FAM13B: variants seen among roughly 807,000 people sequenced by gnomAD.
FAM13B encodes family with sequence similarity 13 member B.
A neutral mutation model predicts 117.3 loss-of-function variants in FAM13B; 60 were observed. The ratio of observed to expected loss-of-function variants is 0.51; its 90% CI spans 0.42 to 0.63. The LOEUF is 0.63. Ranked by LOEUF, FAM13B falls within the 30% of genes least tolerant of loss-of-function variation. The probability of loss-of-function intolerance (pLI) is 0.00; values close to 1 mark genes in which losing one functional copy is unlikely to be tolerated. For synonymous variants in FAM13B, 332 were observed against 356.1 expected (o/e 0.93, Z 0.76); for missense variants, 972 against 1,091.9 (o/e 0.89, Z 1.55).
At chr5:137,985,135 G>A (rs1202705514) in intron 10 of FAM13B, 122 bp downstream of exon 10, 2 of 971,270 alleles carry the variant, frequency 2.1e-6, no homozygotes, top group African/African-American at 1.6e-5. Context: ...TATATTCTTG[G>A]GGATTTATAA....
At chr5:138,010,929 T>C in intron 6 of FAM13B, 79 bp downstream of exon 6, 3 of 1,283,932 alleles carry the variant, frequency 2.3e-6, no homozygotes, top group Non-Finnish European at 2.0e-6. Context: ...CTTATGTCTG[T>C]GGCAAGTCTT....
At chr5:138,047,761 T>C (rs1244585362) in intron 1 of FAM13B, among the ~76,000 whole-genome samples, 2 of 152,024 alleles carry the variant, frequency 1.3e-5, no homozygotes, top group African/African-American at 4.8e-5. Flanking sequence ...GCTTTGAAAG[T>C]GAATGGAGGC....
rs1364518252 is a variant in FAM13B at position 138,000,951 on chromosome 5, A to C, written c.848+6039T>G. The stretch of plus-strand genomic sequence containing the variant: ...TCTCAAAAAACAAAAAACAAAAAAA[A>C]AAAAAACAGCATCTTTCCAAACTAC... On this transcript the variant is annotated intron_variant, in intron 7 of 23. Coordinates refer to ENST00000689681, the MANE Select transcript of FAM13B (RefSeq NM_001385994.1). 2.7e-3 allele frequency among the ~76,000 whole-genome samples: 403 copies of C among 152,072 alleles called. 2 individuals are homozygous for C. The highest frequency in any genetic ancestry group is 5.0e-3 in the Non-Finnish European group (341 of 67,968).
intron 10 of FAM13B, among the ~76,000 whole-genome samples, chr5:137,978,929 C>G (rs764848902): frequency 5.3e-5 from 8 of 152,118 alleles, no homozygotes; most frequent in Non-Finnish European, 8.8e-5. Context: ...TGTTTCTTAC[C>G]CCAGTTTGCA....
At chr5:138,011,207 A>G (rs1783918145) in intron 5 of FAM13B, 58 bp from the exon 6 acceptor site, 2 of 1,491,808 alleles carry the variant, frequency 1.3e-6, no homozygotes, top group Non-Finnish European at 9.1e-7. Flanking sequence ...AGGTAAAGGT[A>G]GAAGACAACC....
At chr5:138,021,441 G>A (rs1269555043) in intron 1 of FAM13B, among the ~76,000 whole-genome samples, 2 of 152,284 alleles carry the variant, frequency 1.3e-5, no homozygotes, top group East Asian at 1.9e-4. Context: ...GAGGATATGT[G>A]ACAGGACACA....
At chr5:138,036,819 TG>T (rs750930313), upstream of FAM13B, 162 of 346,738 alleles carry the variant, frequency 4.7e-4, no homozygotes, top group Admixed American at 8.7e-4. Flanking sequence ...GCGACAATTT[TG>T]GGGGACCATG....
chr5:138,032,582 C>T (rs1006466557), intron 1 of FAM13B, among the ~76,000 whole-genome samples, 200 bp downstream of exon 1: 21 of 152,316 alleles, frequency 1.4e-4, no homozygotes, highest in Non-Finnish European at 1.9e-4. Context: ...AGGGACACGG[C>T]TTCATCTTCC....
chr5:137,960,019 A>C (rs538883436), intron 12 of FAM13B, 147 bp downstream of exon 12: 69 of 684,082 alleles, frequency 1.0e-4, no homozygotes, highest in Admixed American at 4.5e-4. Flanking sequence ...CAAAAGTGGC[A>C]AATTAAGTTG....
Position 137,949,060 on chromosome 5 carries a change from C to G in FAM13B, c.2055G>C (p.Lys685Asn), listed in dbSNP as rs1222583791. ...ATGGTTTTTTCTCCTTCTGAATGAC[C>G]TTGGGTTCATCTTCATTCTCTTCAT... ...HEDEENEDEP[K>N]VIQKEKKPSK... is the part of the protein sequence containing the mutation. Residue 685 changes from lysine to asparagine, a missense_variant, in exon 18 of 24, where the codon AAG (lysine) becomes AAC (asparagine). Coordinates refer to ENST00000689681, the MANE Select transcript of FAM13B (RefSeq NM_001385994.1). 1 of 1,613,936 alleles carries G rather than the reference C, an allele frequency of 6.2e-7. No individual in the cohort carries two copies. Among genetic ancestry groups the G allele is most frequent in the Non-Finnish European group, 8.5e-7 (1 of 1,179,996 alleles).
upstream of FAM13B, chr5:138,036,773 A>G: frequency 5.6e-6 from 2 of 357,718 alleles, no homozygotes; most frequent in Non-Finnish European, 1.1e-5. Flanking sequence ...TTTTATAATA[A>G]TCTTGTTGCT....
intron 10 of FAM13B, among the ~76,000 whole-genome samples, chr5:137,976,654 T>C (rs1488979121): frequency 6.6e-6 from 1 of 152,174 alleles, no homozygotes; most frequent in African/African-American, 2.4e-5. Context: ...ATTAATACTT[T>C]TATAATTTCT....
intron 1 of FAM13B, chr5:138,039,450 T>G (rs1791403757): frequency 6.6e-6 from 1 of 152,170 alleles, no homozygotes; most frequent in East Asian, 1.9e-4. Flanking sequence ...AAGTTGCTTC[T>G]CAGCACCTTT....
At chr5:138,025,047 A>AT (rs2151021097) in intron 1 of FAM13B, among the ~76,000 whole-genome samples, 1 of 151,306 alleles carries the variant, frequency 6.6e-6, no homozygotes, top group East Asian at 2.0e-4. Context: ...ATTTTTTTGT[A>AT]TTTTTTGGTA....
At chr5:137,944,261 T>C (rs570712402) in intron 20 of FAM13B, among the ~76,000 whole-genome samples, 2 of 152,284 alleles carry the variant, frequency 1.3e-5, no homozygotes, top group African/African-American at 4.8e-5. Flanking sequence ...ATTTACTCAT[T>C]CATCTGCTGA....
At position 137,952,608 on chromosome 5, in the gene FAM13B, C is replaced by G. The variant is rs201148419; in HGVS notation, c.1930+20G>C. 103 of 1,478,162 alleles carry G rather than the reference C, an allele frequency of 7.0e-5. No individual in the cohort carries two copies. The African/African-American group carries it at 1.3e-3, about 19-fold the overall frequency. 91.6% of individuals were successfully genotyped at this position (1,478,162 alleles called of 1,614,324 possible). A position where few individuals can be genotyped will look rare whatever the true frequency, so the allele number is the denominator to read the frequency against. The stretch of plus-strand genomic sequence containing the variant: ...AAATTTTTAAAATGCAAATATATTA[C>G]AAAATGGCACATAATATACCTTTAA... On this transcript the variant is annotated intron_variant, in intron 17 of 23. Transcript: ENST00000689681.
intron 6 of FAM13B, among the ~76,000 whole-genome samples, chr5:138,009,767 T>C (rs1286461987): frequency 7.8e-6 from 1 of 128,468 alleles, no homozygotes; most frequent in Non-Finnish European, 1.6e-5. Flanking sequence ...ATCACACCAT[T>C]GCACTCCAGC....
chr5:138,035,739 C>A (rs1387337468), upstream of FAM13B, among the ~76,000 whole-genome samples: 1 of 152,130 alleles, frequency 6.6e-6, no homozygotes, highest in Non-Finnish European at 1.5e-5. Context: ...CTTTAACCTG[C>A]CTAGTCTTTC....
chr5:138,014,228 C>T (rs1784742651), intron 4 of FAM13B, among the ~76,000 whole-genome samples: 1 of 152,206 alleles, frequency 6.6e-6, no homozygotes, highest in Non-Finnish European at 1.5e-5. Context: ...TGAGTCCCCA[C>T]GCCCAGCCAT....
Sources: allele counts gnomAD v4.1 joint callset (sites outside exome capture counted in the v4.1 genomes callset), GRCh38; gene constraint gnomAD v4.1.1; transcripts MANE v1.5; gene names NCBI Gene and HGNC (gene_info 2026-07-23, HGNC 2026-07-21).